The following KSR2 variants were observed in gnomAD, a reference collection of about 807,000 sequenced individuals.
KSR2 encodes the protein kinase suppressor of ras 2.
KSR2 carries 25 observed loss-of-function variants against 107.8 expected under a neutral mutation model. The observed-to-expected ratio is 0.23, with a 90% CI of 0.17 to 0.32. The LOEUF (loss-of-function observed/expected upper bound fraction) is 0.32, where lower values mean the gene tolerates loss of function less well. KSR2 is among the 10% of genes least tolerant of loss of function. The probability of loss-of-function intolerance (pLI) is 1.00; values close to 1 mark genes in which losing one functional copy is unlikely to be tolerated. For missense variants in KSR2, 887 were observed against 1,268.9 expected (o/e 0.70, Z 4.57); for synonymous variants, 480 against 507.0 (o/e 0.95, Z 0.71).
At chr12:117,481,172 A>G (rs752049018) in intron 16 of KSR2, among the ~76,000 whole-genome samples, 1 of 151,986 alleles carries the variant, frequency 6.6e-6, no homozygotes, top group African/African-American at 2.4e-5. Context: ...GCCTGCCCCT[A>G]CTCCCATTTT....
At chr12:117,832,313 G>A (rs1204414296) in intron 3 of KSR2, among the ~76,000 whole-genome samples, 4 of 151,654 alleles carry the variant, frequency 2.6e-5, no homozygotes, top group African/African-American at 9.7e-5. Flanking sequence ...AACAAATCTT[G>A]TACCGTGTCC....
intron 3 of KSR2, among the ~76,000 whole-genome samples, chr12:117,854,165 T>C (rs1049734187): frequency 6.6e-6 from 1 of 152,064 alleles, no homozygotes; most frequent in Admixed American, 6.6e-5. Flanking sequence ...CCACCACACA[T>C]GGCACATTTT....
At position 117,967,963 on chromosome 12, in the gene KSR2, G is replaced by GC. The variant is rs924369369; in HGVS notation, c.180+112dup. 7 of 973,608 alleles carry GC rather than the reference G, an allele frequency of 7.2e-6. No individual in the cohort carries two copies. In the Admixed American group the frequency reaches 9.7e-5, roughly 13 times the overall value. 60.3% of individuals were successfully genotyped at this position (973,608 alleles called of 1,614,324 possible). A position where few individuals can be genotyped will look rare whatever the true frequency, so the allele number is the denominator to read the frequency against. On this transcript the variant is annotated intron_variant, in intron 1 of 19. Coordinates refer to ENST00000339824, the MANE Select transcript of KSR2 (RefSeq NM_173598.6). Reference sequence around the variant, plus strand: ...TTGCTTGCCCACACCACCACCCCCAGCCCCCAATAAACAGAATCAGAGGGA... The same window carrying GC: ...TTGCTTGCCCACACCACCACCCCCAGCCCCCCAATAAACAGAATCAGAGGGA...
In KSR2 at chr12:117,530,946, A is replaced by C. The variant is rs202036928; in HGVS notation, c.1797T>G (p.Asn599Lys). The change falls in exon 12 of 20, where the codon AAT becomes AAG. Residue 599 changes from asparagine (N) to lysine (K), a missense_variant. Asn to Lys is a moderately conservative substitution (Grantham distance 94). Coordinates refer to ENST00000339824, the MANE Select transcript of KSR2 (RefSeq NM_173598.6). ...PQVILHPVTS[N>K]PILEGNPLLQ... ...GATGTCTCTGTCTCACTTACATTGG[A>C]TTCGAGGTCACCGGATGCAGGATGA... 2.5e-6 allele frequency: 4 copies of C among 1,613,568 alleles called. No homozygotes were observed. The highest frequency in any genetic ancestry group is 3.4e-6 in the Non-Finnish European group (4 of 1,179,736).
chr12:117,855,365 G>A (rs1893064342), intron 3 of KSR2, 63 bp downstream of exon 3: 20 of 1,586,658 alleles, frequency 1.3e-5, no homozygotes, highest in South Asian at 3.4e-5. Context: ...ACGGGATGCC[G>A]AGGGACCGCG....
At chr12:117,910,894 C>T (rs906256267) in intron 1 of KSR2, among the ~76,000 whole-genome samples, 1 of 152,184 alleles carries the variant, frequency 6.6e-6, no homozygotes, top group Non-Finnish European at 1.5e-5. Flanking sequence ...ACAAAGACCA[C>T]AGTTCGGTGC....
At position 117,799,038 on chromosome 12, in the gene KSR2, A is replaced by G. The variant is rs2137013365; in HGVS notation, c.473-37514T>C. On this transcript the variant is annotated intron_variant, in intron 3 of 19. Transcript: ENST00000339824. Reference sequence around the variant, plus strand: ...TATCTGAAATATCTGGAATAGGCAAATCCATAGTGGATTGCCAGGGGCTGG... The same window carrying G: ...TATCTGAAATATCTGGAATAGGCAAGTCCATAGTGGATTGCCAGGGGCTGG... 1.3e-5 allele frequency among the ~76,000 whole-genome samples: 2 copies of G among 152,274 alleles called. 1 individual carries two copies. The highest frequency in any genetic ancestry group is 2.9e-5 in the Non-Finnish European group (2 of 68,018).
At chr12:117,660,954 AG>A (rs1884407479) in intron 5 of KSR2, among the ~76,000 whole-genome samples, 1 of 152,182 alleles carries the variant, frequency 6.6e-6, no homozygotes, top group Admixed American at 6.5e-5. Flanking sequence ...TGGAAATCCA[AG>A]GGGCAAGTGT....
chr12:117,520,288 G>C (rs892866762), intron 14 of KSR2, among the ~76,000 whole-genome samples: 10 of 152,122 alleles, frequency 6.6e-5, no homozygotes, highest in African/African-American at 2.2e-4. Flanking sequence ...ACCTCACCAC[G>C]CCTGGCCTGA....
intron 7 of KSR2, among the ~76,000 whole-genome samples, chr12:117,576,086 C>T (rs1433651564): frequency 6.6e-6 from 1 of 152,122 alleles, no homozygotes; most frequent in Non-Finnish European, 1.5e-5. Flanking sequence ...TAAGGCTTTG[C>T]TCATGACTTT....
intron 3 of KSR2, among the ~76,000 whole-genome samples, chr12:117,845,904 G>A (rs1023814997): frequency 6.6e-6 from 1 of 151,194 alleles, no homozygotes; most frequent in African/African-American, 2.4e-5. Context: ...TGCCCAGGCT[G>A]GTCTCGAACT....
At chr12:117,915,630 G>T (rs1239083363) in intron 1 of KSR2, among the ~76,000 whole-genome samples, 1 of 152,136 alleles carries the variant, frequency 6.6e-6, no homozygotes, top group Non-Finnish European at 1.5e-5. Flanking sequence ...GAAATCCCGG[G>T]AAAACAGTCT....
chr12:117,870,836 G>A (rs148678603), intron 1 of KSR2, among the ~76,000 whole-genome samples: 186 of 152,292 alleles, frequency 1.2e-3, no homozygotes, highest in Middle Eastern at 0.01. Context: ...TGGGGACAGT[G>A]GCCTTGAGTT....
intron 7 of KSR2, among the ~76,000 whole-genome samples, chr12:117,571,206 C>A (rs546767858): frequency 6.6e-6 from 1 of 151,940 alleles, no homozygotes; most frequent in African/African-American, 2.4e-5. Context: ...TGCAGTGGGC[C>A]GAGATCATGC....
chr12:117,947,241 G>GAAAA (rs888911809), intron 1 of KSR2, among the ~76,000 whole-genome samples: 224 of 121,662 alleles, frequency 1.8e-3, no homozygotes, highest in Admixed American at 2.9e-3. Flanking sequence ...AAGAAAGAAA[G>GAAAA]AAAGAAAGAA....
At chr12:117,904,491 A>G (rs894464842) in intron 1 of KSR2, among the ~76,000 whole-genome samples, 2 of 152,204 alleles carry the variant, frequency 1.3e-5, no homozygotes, top group African/African-American at 4.8e-5. Flanking sequence ...ACGGTCGTTA[A>G]GAAACTAGAA....
chr12:117,733,382 C>T (rs112610158), intron 4 of KSR2, among the ~76,000 whole-genome samples: 52 of 152,324 alleles, frequency 3.4e-4, no homozygotes, highest in African/African-American at 1.2e-3. Flanking sequence ...CACTCTTTAC[C>T]TGGCCATTCA....
chr12:117,620,216 C>A (rs200624360), intron 5 of KSR2, among the ~76,000 whole-genome samples: 2 of 152,120 alleles, frequency 1.3e-5, no homozygotes. Flanking sequence ...CGTCTAAAAG[C>A]TTTTTCTCCC....
chr12:117,532,089 A>G (rs1875676757), intron 10 of KSR2, among the ~76,000 whole-genome samples: 2 of 152,226 alleles, frequency 1.3e-5, no homozygotes, highest in Admixed American at 1.3e-4. Flanking sequence ...GGCTTAAAAA[A>G]TCCTTTGTGC....
Sources: allele counts gnomAD v4.1 joint callset (sites outside exome capture counted in the v4.1 genomes callset), GRCh38; gene constraint gnomAD v4.1.1; transcripts MANE v1.5; gene names NCBI Gene and HGNC (gene_info 2026-07-23, HGNC 2026-07-21).